The following KCNH8 variants were observed in gnomAD, a reference collection of about 807,000 sequenced individuals.
The protein encoded by KCNH8 is potassium voltage-gated channel subfamily H member 8.
KCNH8 carries 70 observed loss-of-function variants against 103.6 expected under a neutral mutation model. The observed-to-expected ratio is 0.68, with a 90% CI of 0.56 to 0.82. The LOEUF (loss-of-function observed/expected upper bound fraction) is 0.82. Ranked by LOEUF, KCNH8 falls within the 40% of genes least tolerant of loss-of-function variation. The probability of loss-of-function intolerance (pLI) is 0.00; values close to 1 mark genes in which losing one functional copy is unlikely to be tolerated. For synonymous variants in KCNH8, 498 were observed against 489.4 expected (o/e 1.02, Z -0.23); for missense variants, 1,217 against 1,329.9 (o/e 0.92, Z 1.32).
intron 3 of KCNH8, among the ~76,000 whole-genome samples, chr3:19,300,804 G>T (rs561376889): frequency 6.6e-6 from 1 of 151,368 alleles, no homozygotes; most frequent in Non-Finnish European, 1.5e-5. Flanking sequence ...TTGAGAGCTA[G>T]AGATTTTATA....
At chr3:19,405,241 T>G (rs901041462) in intron 7 of KCNH8, among the ~76,000 whole-genome samples, 78 of 152,040 alleles carry the variant, frequency 5.1e-4, no homozygotes, top group African/African-American at 1.8e-3. Context: ...AAGTATATTT[T>G]TAAGTATTAT....
intron 3 of KCNH8, among the ~76,000 whole-genome samples, chr3:19,284,963 G>T (rs1271982159): frequency 6.6e-6 from 1 of 151,600 alleles, no homozygotes; most frequent in Non-Finnish European, 1.5e-5. Context: ...AGTACAAGAA[G>T]CCAGGGTAGG....
chr3:19,160,769 C>G (rs556581984), intron 1 of KCNH8, among the ~76,000 whole-genome samples: 1 of 152,234 alleles, frequency 6.6e-6, no homozygotes, highest in Non-Finnish European at 1.5e-5. Flanking sequence ...TGTGAACTAT[C>G]TCTTTATTCA....
At chr3:19,225,143 T>C (rs1559430531) in intron 1 of KCNH8, among the ~76,000 whole-genome samples, 1 of 152,164 alleles carries the variant, frequency 6.6e-6, no homozygotes, top group East Asian at 2.0e-4. Flanking sequence ...TTACTCTCAA[T>C]ACCTGAAATC....
intron 11 of KCNH8, among the ~76,000 whole-genome samples, chr3:19,480,931 G>A (rs888678251): frequency 7.2e-5 from 11 of 152,148 alleles, no homozygotes; most frequent in Non-Finnish European, 1.0e-4. Flanking sequence ...GGAGAGAAAG[G>A]AGAAGAAAAG....
intron 11 of KCNH8, among the ~76,000 whole-genome samples, chr3:19,487,311 A>C (rs1220560273): frequency 6.6e-6 from 1 of 152,182 alleles, no homozygotes; most frequent in Middle Eastern, 3.2e-3. Flanking sequence ...AGCCCTAACA[A>C]TGTGTAACGG....
intron 3 of KCNH8, among the ~76,000 whole-genome samples, chr3:19,294,926 A>G (rs918058010): frequency 3.9e-5 from 6 of 152,236 alleles, no homozygotes; most frequent in Non-Finnish European, 7.3e-5. Flanking sequence ...TGATCCTCGG[A>G]CAAAACTTTC....
chr3:19,484,376 G>C (rs944959825), intron 11 of KCNH8, among the ~76,000 whole-genome samples: 2 of 152,196 alleles, frequency 1.3e-5, no homozygotes, highest in Middle Eastern at 3.2e-3. Context: ...TATACACTAA[G>C]AGTAGTCTTT....
chr3:19,159,152 CTG>C (rs1431948093), intron 1 of KCNH8, among the ~76,000 whole-genome samples: 12 of 151,760 alleles, frequency 7.9e-5, no homozygotes, highest in South Asian at 4.2e-4. Context: ...ACTATTCTTT[CTG>C]TGTTATTGAA....
intron 11 of KCNH8, among the ~76,000 whole-genome samples, chr3:19,502,395 C>A (rs1237357312): frequency 6.6e-6 from 1 of 151,050 alleles, no homozygotes; most frequent in Non-Finnish European, 1.5e-5. Flanking sequence ...CTACCAATGA[C>A]TTTCTTCACA....
chr3:19,250,553 A>G (rs1240293991), intron 1 of KCNH8, among the ~76,000 whole-genome samples: 1 of 152,158 alleles, frequency 6.6e-6, no homozygotes, highest in Non-Finnish European at 1.5e-5. Flanking sequence ...ATAAAATGAA[A>G]TGTTTATTCT....
intron 11 of KCNH8, among the ~76,000 whole-genome samples, chr3:19,483,796 TC>T (rs2068140590): frequency 6.6e-6 from 1 of 152,180 alleles, no homozygotes. Flanking sequence ...CCCCTTTTTT[TC>T]ACTGAGGATC....
intron 1 of KCNH8, among the ~76,000 whole-genome samples, chr3:19,208,978 GGATATATGTATATCTATATC>G (rs1231470469): frequency 6.6e-6 from 1 of 151,806 alleles, no homozygotes; most frequent in African/African-American, 2.4e-5. Context: ...AAAATCACAA[GGATATATGTATATCTATATC>G]TATCTATATT....
intron 3 of KCNH8, among the ~76,000 whole-genome samples, chr3:19,331,333 C>G (rs1321435427): frequency 6.6e-6 from 1 of 151,142 alleles, no homozygotes; most frequent in African/African-American, 2.4e-5. Context: ...TGCTCTGTCG[C>G]CAGGCTGGAG....
chr3:19,528,410 T>C (rs2069103078), intron 15 of KCNH8, among the ~76,000 whole-genome samples: 1 of 151,946 alleles, frequency 6.6e-6, no homozygotes, highest in Non-Finnish European at 1.5e-5. Flanking sequence ...CTGGGACAGA[T>C]GACAAAGCAA....
chr3:19,180,256 TTGGCCCTTCAAAGGGCCAA>T (rs1245312682), intron 1 of KCNH8, among the ~76,000 whole-genome samples: 6 of 7,908 alleles, frequency 7.6e-4, no homozygotes, highest in Admixed American at 3.5e-3. Flanking sequence ...CAAGACAGAC[TTGGCCCTTCAAAGGGCCAA>T]GACAGACTTG....
At chr3:19,162,439 G>T (rs996141413) in intron 1 of KCNH8, among the ~76,000 whole-genome samples, 1 of 151,754 alleles carries the variant, frequency 6.6e-6, no homozygotes, top group African/African-American at 2.4e-5. Context: ...CCTGGGAGGT[G>T]GAGGTTGCAG....
At chr3:19,295,313 G>C (rs1480616378) in intron 3 of KCNH8, among the ~76,000 whole-genome samples, 1 of 151,936 alleles carries the variant, frequency 6.6e-6, no homozygotes, top group Non-Finnish European at 1.5e-5. Flanking sequence ...GAGTTCAGGA[G>C]GTGGAGGCTG....
At chr3:19,326,808 A>C (rs1230405083) in intron 3 of KCNH8, among the ~76,000 whole-genome samples, 1 of 152,190 alleles carries the variant, frequency 6.6e-6, no homozygotes, top group African/African-American at 2.4e-5. Flanking sequence ...ATTGAAAACA[A>C]AAATAGTTTT....
Sources: gnomAD v4.1 joint callset for allele counts (sites outside exome capture counted in the v4.1 genomes callset) on GRCh38, gnomAD v4.1.1 for gene constraint, MANE v1.5 for transcripts, NCBI Gene and HGNC (gene_info 2026-07-23, HGNC 2026-07-21) for gene names.